VDAC3: variants seen among roughly 807,000 people sequenced by gnomAD.
The protein encoded by VDAC3 is non-selective voltage-gated ion channel VDAC3.
Under a neutral mutation model 33.9 loss-of-function variants are expected in VDAC3, and 7 were observed. The observed-to-expected ratio is 0.21, with a 90% CI of 0.12 to 0.39. The LOEUF is 0.39. Ranked by LOEUF, VDAC3 falls within the 10% of genes least tolerant of loss-of-function variation. The pLI is 1.00. For missense variants in VDAC3, 261 were observed against 334.5 expected, an observed-to-expected ratio of 0.78 and a Z score of 1.71; for synonymous variants, 100 against 122.4, an observed-to-expected ratio of 0.82 and a Z score of 1.21.
intron 7 of VDAC3, 165 bp from the exon 8 acceptor site, chr8:42,403,146 A>G: frequency 1.4e-6 from 1 of 708,184 alleles, no homozygotes; most frequent in Non-Finnish European, 2.3e-6. Context: ...GCATAGCTGG[A>G]TTTAGTTCTG....
intron 6 of VDAC3, 108 bp downstream of exon 6, chr8:42,399,811 A>C (rs1802384520): frequency 1.6e-5 from 16 of 1,021,886 alleles, no homozygotes; most frequent in Non-Finnish European, 2.2e-5. Context: ...AGAACTCAGA[A>C]GGTTGCTATA....
chr8:42,402,966 C>T (rs1802442452), intron 7 of VDAC3: 1 of 203,462 alleles, frequency 4.9e-6, no homozygotes, highest in Admixed American at 5.5e-5. Flanking sequence ...CTTTATTGAA[C>T]TCTACTTTGA....
rs561043036 is a variant in VDAC3 at position 42,392,115 on chromosome 8, G to T, written c.-43+187G>T. 5.0e-4 allele frequency among the ~76,000 whole-genome samples: 76 copies of T among 152,286 alleles called. 1 individual carries two copies. The South Asian group carries it at 0.015, about 30-fold the overall frequency. Reference sequence around the variant, plus strand: ...CCGGGCCACCTCAGGCGATGGAGCCGCAGCACGGCGGGGCAAGTGGCCTCC... The same window carrying T: ...CCGGGCCACCTCAGGCGATGGAGCCTCAGCACGGCGGGGCAAGTGGCCTCC... On this transcript the variant is annotated intron_variant, in intron 1 of 9. Coordinates refer to ENST00000022615, the MANE Select transcript of VDAC3 (RefSeq NM_005662.7).
chr8:42,403,584 G>A, intron 8 of VDAC3, 123 bp downstream of exon 8: 1 of 1,112,224 alleles, frequency 9.0e-7, no homozygotes, highest in Non-Finnish European at 1.3e-6. Flanking sequence ...TCATTGTGTA[G>A]TGAAAGGAAT....
intron 2 of VDAC3, 137 bp from the exon 3 acceptor site, chr8:42,394,073 A>C (rs1027623976): frequency 6.8e-6 from 5 of 731,826 alleles, no homozygotes; most frequent in Admixed American, 6.3e-5. Context: ...CATACCTTTG[A>C]TTGCATTAAA....
chr8:42,395,251 C>T, intron 4 of VDAC3, 118 bp downstream of exon 4: 1 of 1,453,246 alleles, frequency 6.9e-7, no homozygotes. Flanking sequence ...ACAGCTTTGT[C>T]CTCTCAGATT....
intron 5 of VDAC3, 57 bp from the exon 6 acceptor site, chr8:42,399,594 G>T: frequency 6.7e-7 from 1 of 1,498,570 alleles, no homozygotes; most frequent in South Asian, 1.2e-5. Context: ...TTGGTTTCTT[G>T]AGTTGGATAA....
At position 42,403,483 on chromosome 8, in the gene VDAC3, G is replaced by A. The variant is rs368768754; in HGVS notation, c.702+22G>A. The A allele has an allele frequency of 2.5e-5, 38 of 1,543,736 alleles. No individual in the cohort carries two copies. The African/African-American group carries it at 4.9e-4, about 20-fold the overall frequency. ...CTCTGTAAGAATGTGCTGCCAGATTGGATCTGCTCTTATGTTTGTGTCTAA... is the reference window on the plus strand; with the variant it reads ...CTCTGTAAGAATGTGCTGCCAGATTAGATCTGCTCTTATGTTTGTGTCTAA... On this transcript the variant is annotated intron_variant, in intron 8 of 9. Transcript: ENST00000022615.
chr8:42,393,998 C>T (rs1409196576), intron 2 of VDAC3, 114 bp downstream of exon 2: 2 of 479,450 alleles, frequency 4.2e-6, no homozygotes, highest in Non-Finnish European at 7.4e-6. Context: ...CTGAATCTCA[C>T]GGGAAAACTG....
chr8:42,405,341 C>T, intron 9 of VDAC3, 30 bp from the exon 10 acceptor site: 1 of 1,554,980 alleles, frequency 6.4e-7, no homozygotes. Context: ...ATACTTGTTT[C>T]AAGTGATTGT....
chr8:42,397,667 T>C (rs1802341051), intron 4 of VDAC3: 2 of 152,218 alleles, frequency 1.3e-5, no homozygotes, highest in Admixed American at 1.3e-4. Context: ...TTTTATTTTA[T>C]TTTTTTGAGA....
chr8:42,395,852 G>A (rs559723396), intron 4 of VDAC3, among the ~76,000 whole-genome samples: 269 of 151,706 alleles, frequency 1.8e-3, no homozygotes, highest in African/African-American at 6.3e-3. Context: ...CCAGCTACTC[G>A]GGAGGCTGAG....
At chr8:42,405,097 A>G (rs1225155196) in intron 9 of VDAC3, among the ~76,000 whole-genome samples, 173 bp downstream of exon 9, 2 of 152,228 alleles carry the variant, frequency 1.3e-5, no homozygotes, top group African/African-American at 2.4e-5. Flanking sequence ...TTAAAAAAGT[A>G]TGTATTTCTG....
At chr8:42,398,561 A>C in intron 4 of VDAC3, 151 bp from the exon 5 acceptor site, 2 of 775,064 alleles carry the variant, frequency 2.6e-6, no homozygotes, top group South Asian at 2.0e-5. Flanking sequence ...CTGGAAAAGC[A>C]AGGGGAAAGG....
chr8:42,396,395 A>G (rs1802318439), intron 4 of VDAC3, among the ~76,000 whole-genome samples: 1 of 152,188 alleles, frequency 6.6e-6, no homozygotes, highest in South Asian at 2.1e-4. Flanking sequence ...TTATTTCTGA[A>G]TGTATAATTA....
At chr8:42,404,189 G>T (rs1267114152) in intron 8 of VDAC3, among the ~76,000 whole-genome samples, 1 of 152,148 alleles carries the variant, frequency 6.6e-6, no homozygotes, top group African/African-American at 2.4e-5. Context: ...TGAGAAAACT[G>T]AGCCTTAGAA....
chr8:42,394,119 C>A, intron 2 of VDAC3, 91 bp from the exon 3 acceptor site: 1 of 1,111,212 alleles, frequency 9.0e-7, no homozygotes. Context: ...AACTGTATAC[C>A]CCTTCTCACA....
At chr8:42,400,606 C>T (rs1802399411) in intron 6 of VDAC3, among the ~76,000 whole-genome samples, 1 of 151,100 alleles carries the variant, frequency 6.6e-6, no homozygotes, top group Admixed American at 6.6e-5. Flanking sequence ...ACATTTGTCT[C>T]AGCCGTAACA....
At chr8:42,396,647 A>G (rs1455086059) in intron 4 of VDAC3, 1 of 691,394 alleles carries the variant, frequency 1.4e-6, no homozygotes, top group Non-Finnish European at 2.6e-6. Flanking sequence ...TCTCCCTTTC[A>G]TGCTGCTGTT....
Sources: allele counts gnomAD v4.1 joint callset (sites outside exome capture counted in the v4.1 genomes callset), GRCh38; gene constraint gnomAD v4.1.1; transcripts MANE v1.5; gene names NCBI Gene and HGNC (gene_info 2026-07-23, HGNC 2026-07-21).